NKAIN3: variants seen among roughly 807,000 people sequenced by gnomAD.
NKAIN3 encodes sodium/potassium transporting ATPase interacting 3.
NKAIN3 carries 25 observed loss-of-function variants against 30.2 expected under a neutral mutation model. The ratio of observed to expected loss-of-function variants is 0.83; its 90% CI spans 0.60 to 1.16. NKAIN3 has a LOEUF of 1.16. Among genes scored for constraint, NKAIN3 ranks in the 50% most tolerant of loss-of-function variants. The probability of loss-of-function intolerance (pLI) is 0.00; values close to 1 mark genes in which losing one functional copy is unlikely to be tolerated. For missense variants in NKAIN3, 225 were observed against 254.1 expected, an observed-to-expected ratio of 0.89 and a Z score of 0.78; for synonymous variants, 91 against 89.6, an observed-to-expected ratio of 1.02 and a Z score of -0.09.
chr8:62,470,771 C>T (rs1442310314), intron 1 of NKAIN3, among the ~76,000 whole-genome samples: 1 of 151,608 alleles, frequency 6.6e-6, no homozygotes, highest in East Asian at 1.9e-4. Flanking sequence ...AGCAGAAAGC[C>T]TACTCTCTCA....
At chr8:62,582,603 G>A (rs929907086) in intron 2 of NKAIN3, among the ~76,000 whole-genome samples, 6 of 152,102 alleles carry the variant, frequency 3.9e-5, no homozygotes, top group African/African-American at 1.4e-4. Flanking sequence ...GGGAGTGAAG[G>A]GGGGTCTGGG....
intron 1 of NKAIN3, among the ~76,000 whole-genome samples, chr8:62,493,483 G>T (rs1449078789): frequency 6.6e-6 from 1 of 151,818 alleles, no homozygotes; most frequent in South Asian, 2.1e-4. Flanking sequence ...GTTCTTTTTG[G>T]TTAGAATTGC....
intron 1 of NKAIN3, among the ~76,000 whole-genome samples, chr8:62,499,386 T>C (rs1268570079): frequency 6.6e-6 from 1 of 152,064 alleles, no homozygotes; most frequent in African/African-American, 2.4e-5. Context: ...GGTCTGGAGA[T>C]AGTAACTGTA....
intron 5 of NKAIN3, among the ~76,000 whole-genome samples, chr8:62,928,014 G>A (rs956571325): frequency 3.9e-5 from 6 of 152,060 alleles, no homozygotes; most frequent in African/African-American, 1.4e-4. Flanking sequence ...GCAATAAAGG[G>A]CATATATGGA....
chr8:62,349,400 G>A (rs1340362752), intron 1 of NKAIN3, among the ~76,000 whole-genome samples: 1 of 152,036 alleles, frequency 6.6e-6, no homozygotes, highest in African/African-American at 2.4e-5. Flanking sequence ...TAACTATACA[G>A]GTAAAGGTTA....
Position 62,453,900 on chromosome 8 carries a change from GA to G in NKAIN3, c.55-125632del, listed in dbSNP as rs1456762915. Among the ~76,000 whole-genome samples, 3 of 152,022 alleles carry G rather than the reference GA, an allele frequency of 2.0e-5. No individual in the cohort carries two copies. In the East Asian group the frequency reaches 5.8e-4, roughly 29 times the overall value. On this transcript the variant is annotated intron_variant, in intron 1 of 6. Transcript: ENST00000623646. ...TAAAAATTAAAAAGCCTACCAACCA[GA>G]AAAAAACCAGGATCAGACAGATGCA...
chr8:62,285,503 G>A (rs1813352226), intron 1 of NKAIN3, among the ~76,000 whole-genome samples: 1 of 152,108 alleles, frequency 6.6e-6, no homozygotes, highest in African/African-American at 2.4e-5. Flanking sequence ...ACTCTTTAGA[G>A]AGTCGCTGAA....
chr8:62,871,002 T>C (rs1586293893), intron 4 of NKAIN3, among the ~76,000 whole-genome samples: 1 of 152,070 alleles, frequency 6.6e-6, no homozygotes, highest in East Asian at 1.9e-4. Context: ...ACTGTTTCAG[T>C]CTTATTGAGG....
intron 4 of NKAIN3, among the ~76,000 whole-genome samples, chr8:62,853,206 T>A (rs1819963926): frequency 6.6e-6 from 1 of 152,328 alleles, no homozygotes; most frequent in East Asian, 1.9e-4. Flanking sequence ...TAGCATTATG[T>A]AATGGCCTTC....
intron 6 of NKAIN3, among the ~76,000 whole-genome samples, chr8:62,963,994 G>A (rs1388163023): frequency 6.6e-6 from 1 of 152,210 alleles, no homozygotes; most frequent in African/African-American, 2.4e-5. Flanking sequence ...TAGAGGAAAA[G>A]AAGTTGCTAG....
intron 1 of NKAIN3, among the ~76,000 whole-genome samples, chr8:62,560,531 C>CTTTTTTTTTTTTTTTTTTTTTTTTTTTTT (rs869256384): frequency 2.2e-5 from 1 of 45,362 alleles, no homozygotes; most frequent in Admixed American, 4.2e-4. Context: ...TTTTTCTTTT[C>CTTTTTTTTTTTTTTTTTTTTTTTTTTTTT]TTTTTTTTTT....
rs184272025 is a variant in NKAIN3, at chr8:62,567,392, G to C, written c.55-12147G>C. Among the ~76,000 whole-genome samples, 10 of 152,268 alleles carry C rather than the reference G, an allele frequency of 6.6e-5. No individual in the cohort carries two copies. In the East Asian group the frequency reaches 1.9e-3, roughly 29 times the overall value. The stretch of plus-strand genomic sequence containing the variant: ...TGACAGAGCAAGAAGAAATGGTGTG[G>C]TAGGCAGAATATTGGTCCCAAAGAT... On this transcript the variant is annotated intron_variant, in intron 1 of 6. Transcript: ENST00000623646.
intron 1 of NKAIN3, among the ~76,000 whole-genome samples, chr8:62,465,840 T>C (rs887908709): frequency 1.3e-5 from 2 of 152,058 alleles, no homozygotes; most frequent in South Asian, 4.1e-4. Context: ...CTGGCCAACA[T>C]GGTGAAACCC....
At chr8:62,990,511 T>C (rs183363899) in intron 5 of NKAIN3, 216 of 385,606 alleles carry the variant, frequency 5.6e-4, no homozygotes, top group Non-Finnish European at 7.5e-4. Context: ...GAATTTCCAC[T>C]AAATTCACCA....
intron 4 of NKAIN3, among the ~76,000 whole-genome samples, chr8:62,759,476 C>A (rs1816569716): frequency 2.9e-5 from 2 of 69,872 alleles, no homozygotes; most frequent in African/African-American, 5.9e-5. Flanking sequence ...AACAGTCCTG[C>A]AGATAGGTGG....
In NKAIN3 at chr8:62,468,951, A is replaced by G. The variant is rs373350030; in HGVS notation, c.55-110588A>G. On this transcript the variant is annotated intron_variant, in intron 1 of 6. Coordinates refer to ENST00000623646, the MANE Select transcript of NKAIN3 (RefSeq NM_001304533.3). The stretch of plus-strand genomic sequence containing the variant: ...GACATCTACTAGGTTGGATATCTGC[A>G]TTCTTCCCAATAATCAAATTTATTC... Among the ~76,000 whole-genome samples the G allele has an allele frequency of 1.1e-4, 17 of 152,274 alleles. No homozygotes were observed. The East Asian group carries it at 2.7e-3, about 24-fold the overall frequency.
At chr8:62,413,217 T>C (rs1382032802) in intron 1 of NKAIN3, among the ~76,000 whole-genome samples, 1 of 152,224 alleles carries the variant, frequency 6.6e-6, no homozygotes, top group Non-Finnish European at 1.5e-5. Flanking sequence ...TGTTCAGCCA[T>C]TGTGGAAAGC....
At chr8:62,918,403 A>T (rs1299162335) in intron 4 of NKAIN3, 50 bp from the exon 5 acceptor site, 2 of 1,356,708 alleles carry the variant, frequency 1.5e-6, no homozygotes, top group African/African-American at 2.9e-5. Context: ...CTCTTTAAGT[A>T]TGGAAACTTG....
chr8:62,862,141 C>T (rs1403413264), intron 4 of NKAIN3, among the ~76,000 whole-genome samples: 2 of 152,084 alleles, frequency 1.3e-5, no homozygotes, highest in Non-Finnish European at 2.9e-5. Flanking sequence ...AACTAGACAG[C>T]TTCCCCTCTG....
Sources: allele counts gnomAD v4.1 joint callset (sites outside exome capture counted in the v4.1 genomes callset), GRCh38; gene constraint gnomAD v4.1.1; transcripts MANE v1.5; gene names NCBI Gene and HGNC (gene_info 2026-07-23, HGNC 2026-07-21).